Variants in ZFPM2 observed in about 807,000 individuals in gnomAD.
The protein encoded by ZFPM2 is zinc finger protein ZFPM2.
ZFPM2 carries 20 observed loss-of-function variants against 98.6 expected under a neutral mutation model. The ratio of observed to expected loss-of-function variants is 0.20; its 90% CI spans 0.14 to 0.29. ZFPM2 has a LOEUF of 0.29. Ranked by LOEUF, ZFPM2 falls within the 10% of genes least tolerant of loss-of-function variation. The pLI is 1.00. For missense variants in ZFPM2, 1,310 were observed against 1,388.6 expected (o/e 0.94, Z 0.90); for synonymous variants, 518 against 502.7 (o/e 1.03, Z -0.41).
chr8:105,504,512 T>C (rs763135885), intron 3 of ZFPM2, among the ~76,000 whole-genome samples: 1 of 152,170 alleles, frequency 6.6e-6, no homozygotes, highest in Non-Finnish European at 1.5e-5. Flanking sequence ...TTGGATGTCA[T>C]TAAATAAAGC....
At chr8:105,467,055 A>G (rs553453265) in intron 3 of ZFPM2, among the ~76,000 whole-genome samples, 1 of 152,150 alleles carries the variant, frequency 6.6e-6, no homozygotes, top group South Asian at 2.1e-4. Flanking sequence ...CAAGGTCAAG[A>G]GAAACATCGT....
intron 3 of ZFPM2, among the ~76,000 whole-genome samples, chr8:105,503,142 G>A (rs1222718817): frequency 6.6e-6 from 1 of 152,174 alleles, no homozygotes; most frequent in Non-Finnish European, 1.5e-5. Context: ...TTATTATTCA[G>A]TCTTAACTGT....
intron 3 of ZFPM2, among the ~76,000 whole-genome samples, chr8:105,457,226 GTTA>G (rs1177676407): frequency 6.6e-6 from 1 of 152,120 alleles, no homozygotes; most frequent in Admixed American, 6.6e-5. Context: ...GACCTTGGGT[GTTA>G]TTATATCTTT....
In ZFPM2 at chr8:105,391,012, A is replaced by G. The variant is rs531673309; in HGVS notation, c.41-28132A>G. Among the ~76,000 whole-genome samples the G allele has an allele frequency of 2.0e-5, 3 of 152,332 alleles. No homozygotes were observed. In the East Asian group the frequency reaches 5.8e-4, roughly 29 times the overall value. On this transcript the variant is annotated intron_variant, in intron 1 of 7. Coordinates refer to ENST00000407775, the MANE Select transcript of ZFPM2 (RefSeq NM_012082.4). ...AGAATCTTCAGAATTATATACTGAG[A>G]GTCAAGACTCCATAGCATAAATGTG...
chr8:105,796,212 A>G (rs1813808297), intron 6 of ZFPM2, among the ~76,000 whole-genome samples: 2 of 151,670 alleles, frequency 1.3e-5, no homozygotes, highest in South Asian at 4.1e-4. Flanking sequence ...TGGAAATAAC[A>G]TGGCCCAACC....
chr8:105,569,667 G>A (rs1210736881), intron 4 of ZFPM2, among the ~76,000 whole-genome samples: 12 of 152,246 alleles, frequency 7.9e-5, no homozygotes, highest in Non-Finnish European at 5.9e-5. Context: ...GAGGTGTTGC[G>A]CCTAGTGAGG....
chr8:105,405,921 C>T (rs1811447362), intron 1 of ZFPM2, among the ~76,000 whole-genome samples: 1 of 152,136 alleles, frequency 6.6e-6, no homozygotes, highest in South Asian at 2.1e-4. Flanking sequence ...TCCTATTTCT[C>T]CACATCCTCT....
At chr8:105,725,622 T>A (rs1811792674) in intron 5 of ZFPM2, among the ~76,000 whole-genome samples, 1 of 151,732 alleles carries the variant, frequency 6.6e-6, no homozygotes, top group African/African-American at 2.4e-5. Context: ...GCTGTGTCAT[T>A]TGAGCAATGG....
intron 4 of ZFPM2, among the ~76,000 whole-genome samples, chr8:105,633,077 C>T (rs1816782505): frequency 6.6e-6 from 1 of 152,132 alleles, no homozygotes; most frequent in Admixed American, 6.6e-5. Context: ...GTTTTATGTG[C>T]TATCATTGTT....
chr8:105,737,736 G>A (rs548168038), intron 5 of ZFPM2: 104 of 152,090 alleles, frequency 6.8e-4, no homozygotes, highest in African/African-American at 2.5e-3. Context: ...ATATGATTTT[G>A]ATTTTGTTGG....
At chr8:105,609,687 A>G (rs767896708) in intron 4 of ZFPM2, among the ~76,000 whole-genome samples, 21 of 152,086 alleles carry the variant, frequency 1.4e-4, no homozygotes, top group Non-Finnish European at 2.6e-4. Flanking sequence ...CTTGGCTAAA[A>G]CTCTGCATAG....
intron 1 of ZFPM2, among the ~76,000 whole-genome samples, chr8:105,321,791 A>G (rs1812030526): frequency 6.6e-6 from 1 of 152,270 alleles, no homozygotes; most frequent in Admixed American, 6.5e-5. Flanking sequence ...AGATAAGCGG[A>G]GAAGATATAC....
intron 5 of ZFPM2, among the ~76,000 whole-genome samples, chr8:105,718,355 T>C (rs7823563): frequency 0.53 from 80,402 of 151,680 alleles, 24,854 homozygotes; most frequent in African/African-American, 0.87. Context: ...GAAGTTAGTC[T>C]TGGATAATGT....
intron 4 of ZFPM2, among the ~76,000 whole-genome samples, chr8:105,622,183 C>G (rs1281743279): frequency 6.6e-6 from 1 of 152,062 alleles, no homozygotes; most frequent in Non-Finnish European, 1.5e-5. Flanking sequence ...TTCAGTGTAA[C>G]ACACATGCAA....
At chr8:105,373,495 C>G (rs1665863826) in intron 1 of ZFPM2, among the ~76,000 whole-genome samples, 1 of 152,158 alleles carries the variant, frequency 6.6e-6, no homozygotes, top group African/African-American at 2.4e-5. Flanking sequence ...CTTAATTTCA[C>G]AGGAGAGAGC....
intron 4 of ZFPM2, among the ~76,000 whole-genome samples, chr8:105,567,293 G>A (rs1195353351): frequency 3.3e-5 from 5 of 152,134 alleles, no homozygotes; most frequent in African/African-American, 7.2e-5. Flanking sequence ...TTTTTCCAGC[G>A]TTAAGAGCAA....
In ZFPM2 at chr8:105,748,316, T is replaced by G. The variant is rs534420387; in HGVS notation, c.533-40402T>G. Among the ~76,000 whole-genome samples, 5 of 152,162 alleles carry G rather than the reference T, an allele frequency of 3.3e-5. No homozygotes were observed. In the East Asian group the frequency reaches 9.7e-4, roughly 29 times the overall value. On this transcript the variant is annotated intron_variant, in intron 5 of 7. Coordinates refer to ENST00000407775, the MANE Select transcript of ZFPM2 (RefSeq NM_012082.4). Reference sequence around the variant, plus strand: ...AGTCCTGGTCAGGGTAAAGGAAAGCTCTAGACCAAGCATGTAATTTTAAAT... The same window carrying G: ...AGTCCTGGTCAGGGTAAAGGAAAGCGCTAGACCAAGCATGTAATTTTAAAT...
At chr8:105,559,261 G>A (rs1451085087) in intron 3 of ZFPM2, among the ~76,000 whole-genome samples, 2 of 152,066 alleles carry the variant, frequency 1.3e-5, no homozygotes, top group Non-Finnish European at 2.9e-5. Flanking sequence ...TAAGCATCAG[G>A]ATCTAGTACT....
At position 105,428,952 on chromosome 8, in the gene ZFPM2, T is replaced by G. The variant is rs535757212; in HGVS notation, c.199+9650T>G. Among the ~76,000 whole-genome samples, 85 of 152,250 alleles carry G rather than the reference T, an allele frequency of 5.6e-4. 1 individual carries two copies. The South Asian group carries it at 0.017, about 30-fold the overall frequency. On this transcript the variant is annotated intron_variant, in intron 2 of 7. Coordinates refer to ENST00000407775, the MANE Select transcript of ZFPM2 (RefSeq NM_012082.4). ...AAGGAACGGTTCTGAAACCTGACAGTGGCTGTATCTTACCAAGTCTTAGCA... is the reference window on the plus strand; with the variant it reads ...AAGGAACGGTTCTGAAACCTGACAGGGGCTGTATCTTACCAAGTCTTAGCA...
Sources: allele counts gnomAD v4.1 joint callset (sites outside exome capture counted in the v4.1 genomes callset), GRCh38; gene constraint gnomAD v4.1.1; transcripts MANE v1.5; gene names NCBI Gene and HGNC (gene_info 2026-07-23, HGNC 2026-07-21).